Variants in EPB41L4A observed in about 807,000 individuals in gnomAD.
EPB41L4A encodes band 4.1-like protein 4A.
In EPB41L4A, 100 loss-of-function variants were observed where a neutral mutation model predicts 108.6. The observed-to-expected ratio is 0.92, with a 90% CI of 0.78 to 1.09. The LOEUF is 1.09. Ranked by LOEUF, EPB41L4A falls within the 50% of genes least tolerant of loss-of-function variation. The probability of loss-of-function intolerance (pLI) is 0.00; values close to 1 mark genes in which losing one functional copy is unlikely to be tolerated. For missense variants in EPB41L4A, 1,030 were observed against 842.7 expected (o/e 1.22, Z -2.75); for synonymous variants, 319 against 289.0 (o/e 1.10, Z -1.05).
intron 4 of EPB41L4A, among the ~76,000 whole-genome samples, chr5:112,272,327 G>A (rs956805831): frequency 4.6e-5 from 7 of 151,538 alleles, no homozygotes; most frequent in Non-Finnish European, 8.8e-5. Context: ...TTTTTTAGTA[G>A]AGACGGGGTT....
At chr5:112,267,555 C>T (rs1444873918) in intron 4 of EPB41L4A, among the ~76,000 whole-genome samples, 3 of 152,136 alleles carry the variant, frequency 2.0e-5, no homozygotes, top group Admixed American at 2.0e-4. Flanking sequence ...GTAAAATAAA[C>T]CTGGGAACAA....
chr5:112,381,760 A>AG (rs1760192343), intron 1 of EPB41L4A, among the ~76,000 whole-genome samples: 1 of 152,244 alleles, frequency 6.6e-6, no homozygotes, highest in Non-Finnish European at 1.5e-5. Context: ...AACCAGACAC[A>AG]GTTGAGAAAA....
chr5:112,159,562 T>C (rs1036294681), downstream of EPB41L4A, among the ~76,000 whole-genome samples: 1 of 152,232 alleles, frequency 6.6e-6, no homozygotes, highest in Non-Finnish European at 1.5e-5. Flanking sequence ...GCCTTGCTCC[T>C]GCCTGGCTCT....
chr5:112,249,003 T>C (rs1016178103), intron 9 of EPB41L4A: 5 of 152,238 alleles, frequency 3.3e-5, no homozygotes, highest in African/African-American at 7.2e-5. Context: ...AATCCCATTA[T>C]ATACCTGGCT....
At chr5:112,176,161 G>A (rs972316389) in intron 18 of EPB41L4A, among the ~76,000 whole-genome samples, 1 of 152,158 alleles carries the variant, frequency 6.6e-6, no homozygotes, top group African/African-American at 2.4e-5. Flanking sequence ...TTAATGCTCA[G>A]CAAAATCCTA....
At chr5:112,376,466 G>T (rs1257191703) in intron 1 of EPB41L4A, among the ~76,000 whole-genome samples, 1 of 152,186 alleles carries the variant, frequency 6.6e-6, no homozygotes, top group Non-Finnish European at 1.5e-5. Flanking sequence ...TTGGAAAACA[G>T]TTTGGCGGTT....
chr5:112,249,668 T>C (rs1204511170), intron 9 of EPB41L4A: 1 of 152,188 alleles, frequency 6.6e-6, no homozygotes, highest in African/African-American at 2.4e-5. Flanking sequence ...ATTTTGTCAT[T>C]ACTTGGAAAA....
At chr5:112,377,377 T>C (rs953434779) in intron 1 of EPB41L4A, among the ~76,000 whole-genome samples, 26 of 152,298 alleles carry the variant, frequency 1.7e-4, no homozygotes, top group African/African-American at 6.0e-4. Context: ...GATCTCTCTG[T>C]ATGGTTTCTT....
intron 18 of EPB41L4A, among the ~76,000 whole-genome samples, chr5:112,176,561 C>T (rs1007275243): frequency 3.3e-5 from 5 of 152,012 alleles, no homozygotes; most frequent in Admixed American, 2.6e-4. Context: ...TCCATAATAC[C>T]GCTCACACTA....
At chr5:112,264,685 A>G (rs1182499449) in intron 6 of EPB41L4A, 2 of 396,044 alleles carry the variant, frequency 5.0e-6, no homozygotes, top group South Asian at 5.9e-5. Context: ...GTAACTTTAC[A>G]TATTGAAATT....
chr5:112,234,727 C>G lies in EPB41L4A; in HGVS notation c.994G>C (p.Asp332His). Residue 332 changes from aspartate to histidine, a missense_variant, in exon 12 of 23, where the codon GAT becomes CAT. By Grantham distance (81) the Asp-to-His change is moderately conservative. Transcript: ENST00000261486. The stretch of plus-strand genomic sequence containing the variant: ...GGCCGGGGAAGCTGAATAGAAAGAT[C>G]TCGGCTCATTTGCAAAGCTGTCCTG... ...SGRTALQMSR[D>H]LSIQLPRPDQ... The G allele has an allele frequency of 6.2e-7, 1 of 1,612,190 alleles. No homozygotes were observed. The highest frequency in any genetic ancestry group is 8.5e-7 in the Non-Finnish European group (1 of 1,178,696).
chr5:112,337,576 T>C (rs1561583183), intron 1 of EPB41L4A, among the ~76,000 whole-genome samples: 1 of 152,166 alleles, frequency 6.6e-6, no homozygotes, highest in South Asian at 2.1e-4. Flanking sequence ...AGCAAAGTGA[T>C]TGACCTAAGG....
intron 13 of EPB41L4A, chr5:112,145,790 G>A (rs896067770): frequency 1.9e-5 from 6 of 317,088 alleles, no homozygotes; most frequent in African/African-American, 4.4e-5. Flanking sequence ...AAAGAAAAAG[G>A]CCAAGAACAA....
chr5:112,206,607 G>T (rs11241153), intron 13 of EPB41L4A, among the ~76,000 whole-genome samples: 118,293 of 152,084 alleles, frequency 0.78, 46,700 homozygotes, highest in East Asian at 1. Flanking sequence ...AAAGTGTATG[G>T]GATCAATAAA....
intron 1 of EPB41L4A, among the ~76,000 whole-genome samples, chr5:112,396,249 TA>T (rs1346186677): frequency 6.6e-6 from 1 of 151,644 alleles, no homozygotes; most frequent in Non-Finnish European, 1.5e-5. Flanking sequence ...AAAGTATAAT[TA>T]AAAAAAATTA....
rs1178945518 is a variant in EPB41L4A at position 112,164,804 on chromosome 5, A to T, written c.*186T>A. 2 of 527,506 alleles carry T rather than the reference A, an allele frequency of 3.8e-6. No homozygotes were observed. Among genetic ancestry groups the T allele is most frequent in the Non-Finnish European group, 6.1e-6 (2 of 329,818 alleles). 32.7% of individuals were successfully genotyped at this position (527,506 alleles called of 1,614,324 possible). A position where few individuals can be genotyped will look rare whatever the true frequency, so the allele number is the denominator to read the frequency against. Reference sequence around the variant, plus strand: ...AGCTGACACGGTGCCGCTGCACTCCAGCCTGGGCGACAGAGTGATAACATC... The same window carrying T: ...AGCTGACACGGTGCCGCTGCACTCCTGCCTGGGCGACAGAGTGATAACATC... On this transcript the variant is annotated 3_prime_UTR_variant, in exon 23 of 23. Coordinates refer to ENST00000261486, the MANE Select transcript of EPB41L4A (RefSeq NM_022140.5).
downstream of EPB41L4A, among the ~76,000 whole-genome samples, chr5:112,160,100 G>T (rs961388440): frequency 6.6e-6 from 1 of 151,516 alleles, no homozygotes. Flanking sequence ...TAGTAGAGAC[G>T]GGGTTTTGCC....
At chr5:112,328,161 T>C (rs1044634262) in intron 1 of EPB41L4A, among the ~76,000 whole-genome samples, 1 of 151,976 alleles carries the variant, frequency 6.6e-6, no homozygotes, top group Non-Finnish European at 1.5e-5. Flanking sequence ...TATAAAAAAT[T>C]AGCCGAGTGT....
At chr5:112,352,989 A>G (rs549648019) in intron 1 of EPB41L4A, among the ~76,000 whole-genome samples, 6 of 152,260 alleles carry the variant, frequency 3.9e-5, no homozygotes, top group African/African-American at 1.4e-4. Context: ...CTTTTTTCCT[A>G]CAGATGTATC....
Sources: gnomAD v4.1 joint callset for allele counts (sites outside exome capture counted in the v4.1 genomes callset) on GRCh38, gnomAD v4.1.1 for gene constraint, MANE v1.5 for transcripts, NCBI Gene and HGNC (gene_info 2026-07-23, HGNC 2026-07-21) for gene names.